ATP7B: variants seen among roughly 807,000 people sequenced by gnomAD.
ATP7B encodes the protein ATPase copper transporting beta.
ATP7B carries 113 observed loss-of-function variants against 118.9 expected under a neutral mutation model. The ratio of observed to expected loss-of-function variants is 0.95; its 90% CI spans 0.82 to 1.11. The LOEUF (loss-of-function observed/expected upper bound fraction) is 1.11. ATP7B is among the 50% of genes most tolerant of loss of function. The pLI is 0.00. For synonymous variants in ATP7B, 777 were observed against 727.4 expected, an observed-to-expected ratio of 1.07 and a Z score of -1.10; for missense variants, 1,867 against 1,871.4, an observed-to-expected ratio of 1.00 and a Z score of 0.04.
rs750577027 is a variant in ATP7B at position 51,974,674 on chromosome 13, C to T, written c.546G>A (p.Glu182=). The T allele has an allele frequency of 2.5e-6, 4 of 1,611,096 alleles. No homozygotes were observed. The highest frequency in any genetic ancestry group is 3.4e-6 in the Non-Finnish European group (4 of 1,177,574). ...VRVKVSLSNQ[E]AVITYQPYLI... ...GATAAGGCTGATAAGTGATGACGGC[C>T]TCTTGGTTGCTGAGTGAGACTTTGA... Residue 182 remains glutamate (E), a synonymous_variant, in exon 2 of 21, where the codon GAG becomes GAA. Coordinates refer to ENST00000242839, the MANE Select transcript of ATP7B (RefSeq NM_000053.4).
At chr13:51,960,966 G>T (rs1314400614) in intron 6 of ATP7B, among the ~76,000 whole-genome samples, 1 of 152,028 alleles carries the variant, frequency 6.6e-6, no homozygotes, top group Non-Finnish European at 1.5e-5. Flanking sequence ...TGAGGCTGAA[G>T]TCTTAGGCTG....
rs375229330 is a variant in ATP7B at position 51,974,172 on chromosome 13, G to A, written c.1048C>T (p.Pro350Ser). 3 of 1,613,980 alleles carry A rather than the reference G, an allele frequency of 1.9e-6. No individual in the cohort carries two copies. Among genetic ancestry groups the A allele is most frequent in the Non-Finnish European group, 2.5e-6 (3 of 1,180,032 alleles). ...SSSSHSPGSP[P>S]RNQVQGTCST... is the part of the protein sequence containing the mutation. ...CATGTGCCCTGGACCTGGTTTCTCG[G>A]TGGGGAGCCAGGGGAATGAGAACTG... The change falls in exon 2 of 21, where the codon CCG (proline) becomes TCG (serine). Residue 350 changes from proline to serine, a missense_variant. By Grantham distance (74) the Pro-to-Ser change is moderately conservative. Transcript: ENST00000242839.
chr13:51,935,080 T>C (rs758857469), intron 20 of ATP7B, 51 bp from the exon 21 acceptor site: 4 of 1,606,408 alleles, frequency 2.5e-6, no homozygotes, highest in Non-Finnish European at 3.4e-6. Context: ...AACAAGGCTT[T>C]TTTTTTTTCT....
At chr13:51,996,024 C>T (rs528561210) in intron 1 of ATP7B, among the ~76,000 whole-genome samples, 11 of 152,332 alleles carry the variant, frequency 7.2e-5, no homozygotes, top group African/African-American at 2.6e-4. Flanking sequence ...TACCAAACTG[C>T]TAGCACTTTC....
rs1348859875 is a variant in ATP7B, at chr13:51,964,898, G to C, written c.1843C>G (p.Pro615Ala). The C allele has an allele frequency of 1.2e-6, 2 of 1,613,948 alleles. No individual in the cohort carries two copies. Among genetic ancestry groups the C allele is most frequent in the Non-Finnish European group, 1.7e-6 (2 of 1,179,996 alleles). ...TCAATAATTTTGATAATATCCCGTG[G>C]ACCGATAATTTCCGGGTCAAACTTA... Reference protein sequence around the residue: ...LVKFDPEIIGPRDIIKIIEEI... With the variant: ...LVKFDPEIIGARDIIKIIEEI... The change falls in exon 5 of 21, where the codon CCA becomes GCA. Residue 615 changes from proline (P) to alanine (A), a missense_variant. By Grantham distance (27) the Pro-to-Ala change is conservative. Coordinates refer to ENST00000242839, the MANE Select transcript of ATP7B (RefSeq NM_000053.4).
intron 1 of ATP7B, among the ~76,000 whole-genome samples, chr13:52,005,662 G>A (rs1475925197): frequency 6.6e-6 from 1 of 152,146 alleles, no homozygotes; most frequent in Admixed American, 6.5e-5. Context: ...TTAATGCTTA[G>A]TTTATCACTA....
intron 19 of ATP7B, among the ~76,000 whole-genome samples, 198 bp from the exon 20 acceptor site, chr13:51,935,893 G>A (rs1414494537): frequency 6.6e-6 from 1 of 152,222 alleles, no homozygotes; most frequent in Non-Finnish European, 1.5e-5. Context: ...GTGGGATGCT[G>A]TTGAGTGGGC....
chr13:52,000,849 C>T (rs1483412965), intron 1 of ATP7B, among the ~76,000 whole-genome samples: 2 of 151,998 alleles, frequency 1.3e-5, no homozygotes, highest in Non-Finnish European at 2.9e-5. Context: ...AGTGAGACAC[C>T]ATCTCTTCAA....
intron 9 of ATP7B, among the ~76,000 whole-genome samples, chr13:51,957,290 T>A (rs951188507): frequency 4.6e-5 from 7 of 152,200 alleles, no homozygotes; most frequent in African/African-American, 1.4e-4. Flanking sequence ...ATACTAATCA[T>A]CTACACCTCC....
At chr13:51,943,431 G>C (rs909626095) in intron 14 of ATP7B, among the ~76,000 whole-genome samples, 3 of 152,178 alleles carry the variant, frequency 2.0e-5, no homozygotes, top group African/African-American at 7.2e-5. Flanking sequence ...AAGAGCCCCT[G>C]ATCAGGAAGA....
chr13:51,995,987 C>T (rs1953187455), intron 1 of ATP7B, among the ~76,000 whole-genome samples: 1 of 152,210 alleles, frequency 6.6e-6, no homozygotes, highest in Non-Finnish European at 1.5e-5. Flanking sequence ...AGTCTAGAGG[C>T]AGGAGAGATA....
chr13:51,942,265 G>T, intron 15 of ATP7B, 121 bp downstream of exon 15: 1 of 1,461,500 alleles, frequency 6.8e-7, no homozygotes, highest in Non-Finnish European at 9.4e-7. Flanking sequence ...AGGCAGGCTT[G>T]GGTGCCTTAG....
rs1400140250 is a variant in ATP7B at position 52,000,634 on chromosome 13, C to T, written c.51+10653G>A. ...ACAACAGAGCTCTCAACATTCTGCC[C>T]TTCCCCTGCTGCTCCCACAGTCTTC... is the stretch of plus-strand genomic sequence containing the variant. On this transcript the variant is annotated intron_variant, in intron 1 of 20. Transcript: ENST00000242839. Among the ~76,000 whole-genome samples, 15 of 152,330 alleles carry T rather than the reference C, an allele frequency of 9.8e-5. No individual in the cohort carries two copies. In the South Asian group the frequency reaches 2.9e-3, roughly 29 times the overall value.
chr13:52,000,663 AC>A (rs954505847), intron 1 of ATP7B, among the ~76,000 whole-genome samples: 2 of 152,032 alleles, frequency 1.3e-5, no homozygotes, highest in African/African-American at 4.8e-5. Context: ...AGTCTTCCCC[AC>A]CTTAGTAAAT....
intron 4 of ATP7B, 147 bp from the exon 5 acceptor site, chr13:51,965,180 C>T (rs761719204): frequency 2.6e-5 from 25 of 955,950 alleles, no homozygotes; most frequent in African/African-American, 3.3e-5. Context: ...CTCCAAACCC[C>T]GCATGTGAGA....
At chr13:51,942,855 G>C (rs985540365) in intron 14 of ATP7B, among the ~76,000 whole-genome samples, 1 of 152,140 alleles carries the variant, frequency 6.6e-6, no homozygotes, top group Admixed American at 6.5e-5. Flanking sequence ...ACAGGTTACC[G>C]ACTGGAAAGG....
chr13:51,941,374 CAAAA>C (rs377284993), intron 15 of ATP7B, 150 bp from the exon 16 acceptor site: 13 of 641,832 alleles, frequency 2.0e-5, no homozygotes, highest in East Asian at 3.2e-5. Flanking sequence ...TCCTTTAGGA[CAAAA>C]AAAAAAAAAG....
chr13:51,950,841 T>C (rs2139255926), intron 9 of ATP7B, among the ~76,000 whole-genome samples: 1 of 151,898 alleles, frequency 6.6e-6, no homozygotes, highest in East Asian at 1.9e-4. Flanking sequence ...GGAAAGGAAG[T>C]TCACGGAGAG....
At chr13:51,998,024 C>G (rs981303304) in intron 1 of ATP7B, among the ~76,000 whole-genome samples, 2 of 152,150 alleles carry the variant, frequency 1.3e-5, no homozygotes, top group Non-Finnish European at 2.9e-5. Flanking sequence ...TTTCTAGCAC[C>G]TTCCCCTTTC....
Sources: allele counts gnomAD v4.1 joint callset (sites outside exome capture counted in the v4.1 genomes callset), GRCh38; gene constraint gnomAD v4.1.1; transcripts MANE v1.5; gene names NCBI Gene and HGNC (gene_info 2026-07-23, HGNC 2026-07-21).